The following NRXN1 variants were observed in gnomAD, a reference collection of about 807,000 sequenced individuals.
NRXN1 encodes the protein neurexin 1.
In NRXN1, 39 loss-of-function variants were observed where a neutral mutation model predicts 150.9. The observed-to-expected ratio is 0.26, with a 90% CI of 0.20 to 0.34. The LOEUF is 0.34. NRXN1 is among the 10% of genes least tolerant of loss of function. The pLI is 1.00. For synonymous variants in NRXN1, 924 were observed against 757.0 expected (o/e 1.22, Z -3.62); for missense variants, 1,815 against 1,949.9 (o/e 0.93, Z 1.30).
At chr2:50,656,831 G>A (rs553294310) in intron 5 of NRXN1, among the ~76,000 whole-genome samples, 1 of 152,002 alleles carries the variant, frequency 6.6e-6, no homozygotes, top group African/African-American at 2.4e-5. Flanking sequence ...TATTAGAGAT[G>A]CTATCATTGA....
chr2:50,364,891 A>C (rs1349885884), intron 17 of NRXN1, among the ~76,000 whole-genome samples: 1 of 152,078 alleles, frequency 6.6e-6, no homozygotes, highest in Non-Finnish European at 1.5e-5. Flanking sequence ...AATTTACATA[A>C]ACAGTCTCTA....
At chr2:50,057,826 A>G (rs183372358) in intron 19 of NRXN1, among the ~76,000 whole-genome samples, 5 of 152,288 alleles carry the variant, frequency 3.3e-5, no homozygotes, top group African/African-American at 9.6e-5. Flanking sequence ...TTTCCAAAGG[A>G]AACACCATAA....
chr2:50,679,014 C>T, intron 5 of NRXN1, among the ~76,000 whole-genome samples: 1 of 152,026 alleles, frequency 6.6e-6, no homozygotes, highest in East Asian at 1.9e-4. Context: ...CTACTTGTTA[C>T]AAGGTGCAGT....
At chr2:50,795,455 C>G (rs1706681479) in intron 5 of NRXN1, among the ~76,000 whole-genome samples, 1 of 152,052 alleles carries the variant, frequency 6.6e-6, no homozygotes, top group Admixed American at 6.6e-5. Flanking sequence ...TCAATCCACT[C>G]CAACCTGGAA....
intron 2 of NRXN1, among the ~76,000 whole-genome samples, chr2:50,991,914 C>T (rs1188063169): frequency 4.6e-5 from 7 of 151,850 alleles, no homozygotes; most frequent in South Asian, 2.1e-4. Context: ...CTGGAATTTC[C>T]GCCATTATTT....
intron 21 of NRXN1, among the ~76,000 whole-genome samples, chr2:50,046,999 C>T (rs755710224): frequency 1.1e-4 from 17 of 152,282 alleles, no homozygotes; most frequent in Non-Finnish European, 2.2e-4. Flanking sequence ...GAGGGCTAAA[C>T]TTTTCAGTCT....
intron 17 of NRXN1, chr2:50,464,058 G>A (rs1188148320): frequency 6.8e-6 from 1 of 146,360 alleles, no homozygotes; most frequent in Non-Finnish European, 1.5e-5. Flanking sequence ...GCACATGTAA[G>A]GCTGCTATAT....
chr2:50,419,987 C>T (rs911211455), intron 17 of NRXN1, among the ~76,000 whole-genome samples: 9 of 151,820 alleles, frequency 5.9e-5, no homozygotes, highest in Non-Finnish European at 2.9e-5. Flanking sequence ...CAGCCTTACA[C>T]GTGTAATGAA....
chr2:50,445,664 AG>A (rs1378210879), intron 17 of NRXN1, among the ~76,000 whole-genome samples: 1 of 152,232 alleles, frequency 6.6e-6, no homozygotes, highest in Non-Finnish European at 1.5e-5. Context: ...ACTCTGCACG[AG>A]GAAATAATTG....
chr2:49,946,538 C>T (rs1231010403), intron 21 of NRXN1, among the ~76,000 whole-genome samples: 1 of 151,978 alleles, frequency 6.6e-6, no homozygotes, highest in Non-Finnish European at 1.5e-5. Flanking sequence ...AGTCTTTAAT[C>T]CATCTTGAGT....
At chr2:50,632,813 T>G (rs1483809099) in intron 5 of NRXN1, 2 of 152,014 alleles carry the variant, frequency 1.3e-5, no homozygotes, top group Non-Finnish European at 2.9e-5. Flanking sequence ...AGCCCGGGGC[T>G]GGGTGGCGGG....
At chr2:50,042,155 T>C (rs1396931085) in intron 21 of NRXN1, among the ~76,000 whole-genome samples, 2 of 152,220 alleles carry the variant, frequency 1.3e-5, no homozygotes, top group Non-Finnish European at 2.9e-5. Context: ...TAACATCTTG[T>C]TATATATACC....
chr2:50,925,779 A>G (rs993845255), intron 3 of NRXN1, among the ~76,000 whole-genome samples, 159 bp downstream of exon 3: 1 of 151,940 alleles, frequency 6.6e-6, no homozygotes, highest in African/African-American at 2.4e-5. Flanking sequence ...GGCAGGGTTG[A>G]GAATGTATGT....
intron 1 of NRXN1, 21 bp downstream of exon 1, chr2:51,031,957 CCAA>C (rs1198784876): frequency 2.0e-5 from 3 of 152,302 alleles, no homozygotes; most frequent in Non-Finnish European, 4.4e-5. Context: ...TCCCCTCCCC[CCAA>C]CCCAAATTGA....
intron 5 of NRXN1, among the ~76,000 whole-genome samples, chr2:50,845,524 C>T (rs1418962071): frequency 6.6e-6 from 1 of 152,186 alleles, no homozygotes; most frequent in African/African-American, 2.4e-5. Flanking sequence ...TGGCGTTTTT[C>T]ACCATCTGAA....
At chr2:50,412,027 C>T (rs2083225577) in intron 17 of NRXN1, among the ~76,000 whole-genome samples, 1 of 152,182 alleles carries the variant, frequency 6.6e-6, no homozygotes, top group South Asian at 2.1e-4. Context: ...CAACCCCCTG[C>T]TCTCTGAAAC....
intron 21 of NRXN1, among the ~76,000 whole-genome samples, chr2:50,018,657 G>T (rs1468628117): frequency 6.6e-6 from 1 of 152,156 alleles, no homozygotes; most frequent in African/African-American, 2.4e-5. Flanking sequence ...CTGCTGATTT[G>T]ATATGAAACA....
chr2:50,231,003 T>C (rs1420520294), intron 18 of NRXN1, among the ~76,000 whole-genome samples: 1 of 152,074 alleles, frequency 6.6e-6, no homozygotes, highest in East Asian at 1.9e-4. Flanking sequence ...ATAGGCCACA[T>C]GTTCTCTAAT....
chr2:50,289,804 C>T, intron 17 of NRXN1, among the ~76,000 whole-genome samples: 1 of 152,106 alleles, frequency 6.6e-6, no homozygotes, highest in East Asian at 1.9e-4. Context: ...AATCAAGACA[C>T]TTGGATTCAG....
Sources: allele counts gnomAD v4.1 joint callset (sites outside exome capture counted in the v4.1 genomes callset), GRCh38; gene constraint gnomAD v4.1.1; transcripts MANE v1.5; gene names NCBI Gene and HGNC (gene_info 2026-07-23, HGNC 2026-07-21).